Variants in CDKAL1 observed in about 807,000 individuals in gnomAD.
CDKAL1 encodes the protein threonylcarbamoyladenosine tRNA methylthiotransferase.
Under a neutral mutation model 68.2 loss-of-function variants are expected in CDKAL1, and 32 were observed. The ratio of observed to expected loss-of-function variants is 0.47; its 90% CI spans 0.35 to 0.63. CDKAL1 has a LOEUF of 0.63. CDKAL1 is among the 30% of genes least tolerant of loss of function. CDKAL1 has a pLI of 0.00. For missense variants in CDKAL1, 606 were observed against 696.7 expected, an observed-to-expected ratio of 0.87 and a Z score of 1.47; for synonymous variants, 234 against 244.3, an observed-to-expected ratio of 0.96 and a Z score of 0.39.
intron 15 of CDKAL1, among the ~76,000 whole-genome samples, chr6:21,204,565 G>A (rs6926388): frequency 0.27 from 40,542 of 151,980 alleles, 6,481 homozygotes; most frequent in African/African-American, 0.45. Flanking sequence ...CGTGCTTATC[G>A]TAGCCAAATA....
At chr6:20,641,596 A>G (rs1216176032) in intron 4 of CDKAL1, among the ~76,000 whole-genome samples, 2 of 152,192 alleles carry the variant, frequency 1.3e-5, no homozygotes, top group African/African-American at 2.4e-5. Context: ...CACAAAGTAG[A>G]TACTAGACAT....
chr6:20,586,812 T>C (rs1251816631), intron 4 of CDKAL1, among the ~76,000 whole-genome samples: 1 of 152,132 alleles, frequency 6.6e-6, no homozygotes. Flanking sequence ...ATTTATATCA[T>C]GTTCTGAGGT....
Position 20,539,376 on chromosome 6 carries a change from G to A in CDKAL1, c.-6+3982G>A, listed in dbSNP as rs992801330. The stretch of plus-strand genomic sequence containing the variant: ...CTCACACGAAAACCTTTACCCTCAC[G>A]AAGTATGTATTCTAGTAAGATAAAC... On this transcript the variant is annotated intron_variant, in intron 2 of 15. Transcript: ENST00000274695. This position sits in a 1 kb window ranked among gnomAD's most constrained non-coding sequence, Gnocchi z 4.3. Among the ~76,000 whole-genome samples the A allele has an allele frequency of 1.3e-5, 2 of 152,270 alleles. No individual in the cohort carries two copies. The highest frequency in any genetic ancestry group is 4.8e-5 in the African/African-American group (2 of 41,540).
chr6:21,091,355 C>T (rs937182646), intron 12 of CDKAL1, among the ~76,000 whole-genome samples: 1 of 152,172 alleles, frequency 6.6e-6, no homozygotes, highest in Non-Finnish European at 1.5e-5. Context: ...AAAACCAAAA[C>T]CCAAGTTATG....
intron 8 of CDKAL1, among the ~76,000 whole-genome samples, chr6:20,785,819 T>A (rs1483390051): frequency 6.6e-6 from 1 of 152,170 alleles, no homozygotes; most frequent in African/African-American, 2.4e-5. Flanking sequence ...AGGAAAAGGG[T>A]CCCATTTGTA....
chr6:21,099,206 C>T (rs534035621), intron 12 of CDKAL1, among the ~76,000 whole-genome samples: 27 of 152,192 alleles, frequency 1.8e-4, no homozygotes, highest in African/African-American at 6.5e-4. Context: ...CGGTTTAGAG[C>T]AAGGGTTAGT....
intron 11 of CDKAL1, among the ~76,000 whole-genome samples, chr6:21,055,273 T>TA (rs1770764326): frequency 6.6e-6 from 1 of 152,336 alleles, no homozygotes; most frequent in African/African-American, 2.4e-5. Context: ...AATATTTTGT[T>TA]AAGAATTTTT....
chr6:21,005,474 A>C (rs1317050318), intron 11 of CDKAL1, among the ~76,000 whole-genome samples: 3 of 152,228 alleles, frequency 2.0e-5, no homozygotes, highest in African/African-American at 7.2e-5. Context: ...CTTTAGACAG[A>C]GTATTTTGTT....
chr6:20,551,101 G>A (rs1382151456), intron 4 of CDKAL1, among the ~76,000 whole-genome samples: 1 of 151,874 alleles, frequency 6.6e-6, no homozygotes, highest in Non-Finnish European at 1.5e-5. Context: ...TCCTGACCTC[G>A]TGATCCACTC....
chr6:21,000,224 A>T lies in CDKAL1; in HGVS notation c.910-3A>T. ...TAGTGTTTTCTCCTTCCATTTTTTT[A>T]AGGAAATGGCAAAAATCCTTAATCA... On this transcript the variant is annotated splice_region_variant and splice_polypyrimidine_tract_variant and intron_variant, in intron 10 of 15. Transcript: ENST00000274695. 6.2e-7 allele frequency: 1 copy of T among 1,605,510 alleles called. No individual in the cohort carries two copies. Among genetic ancestry groups the T allele is most frequent in the Non-Finnish European group, 8.5e-7 (1 of 1,176,058 alleles).
chr6:20,923,990 T>C lies in CDKAL1; in HGVS notation c.743-31429T>C, dbSNP rs1253557412. 1.8e-4 allele frequency among the ~76,000 whole-genome samples: 26 copies of C among 142,292 alleles called. No homozygotes were observed. The East Asian group carries it at 2.0e-3, about 11-fold the overall frequency. 93.3% of individuals were successfully genotyped at this position (142,292 alleles called of 152,430 possible). A position where few individuals can be genotyped will look rare whatever the true frequency, so the allele number is the denominator to read the frequency against. ...TCACACTACTGCACTCCAGCCTGGG[T>C]GGCAGAGTAAGACCCTGTCTCTAGA... On this transcript the variant is annotated intron_variant, in intron 9 of 15. Coordinates refer to ENST00000274695, the MANE Select transcript of CDKAL1 (RefSeq NM_017774.3).
intron 10 of CDKAL1, among the ~76,000 whole-genome samples, chr6:20,988,185 T>TGTGTGTGTGTGA (rs748095549): frequency 7.1e-6 from 1 of 140,286 alleles, no homozygotes; most frequent in East Asian, 2.0e-4. Flanking sequence ...ACATAATATG[T>TGTGTGTGTGTGA]GTGTGTGTGT....
intron 4 of CDKAL1, among the ~76,000 whole-genome samples, chr6:20,585,181 C>A (rs933388540): frequency 2.0e-5 from 3 of 151,940 alleles, no homozygotes; most frequent in Non-Finnish European, 4.4e-5. Context: ...CTCAGCCTCC[C>A]CAGTAGCTGG....
chr6:20,639,118 A>C (rs1768044383), intron 4 of CDKAL1, among the ~76,000 whole-genome samples: 1 of 152,102 alleles, frequency 6.6e-6, no homozygotes, highest in Non-Finnish European at 1.5e-5. Flanking sequence ...GCCATAATTA[A>C]TTTTCAATAG....
chr6:20,795,293 C>T (rs1776064543), intron 8 of CDKAL1, among the ~76,000 whole-genome samples: 1 of 152,092 alleles, frequency 6.6e-6, no homozygotes. Context: ...GTCTCTTTTG[C>T]TGTTTCTTGA....
intron 4 of CDKAL1, among the ~76,000 whole-genome samples, chr6:20,634,058 G>A (rs1247404117): frequency 1.3e-5 from 2 of 152,068 alleles, no homozygotes; most frequent in African/African-American, 4.8e-5. Context: ...AATTGGTGCC[G>A]ATCCTGGAAA....
At chr6:20,721,794 A>G (rs1020149486) in intron 5 of CDKAL1, among the ~76,000 whole-genome samples, 1 of 128,806 alleles carries the variant, frequency 7.8e-6, no homozygotes, top group African/African-American at 3.1e-5. Flanking sequence ...GTGCAATGGC[A>G]TGGTATCAGC....
chr6:20,890,596 G>T (rs144241947), intron 9 of CDKAL1, among the ~76,000 whole-genome samples: 124 of 152,298 alleles, frequency 8.1e-4, no homozygotes, highest in Middle Eastern at 3.4e-3. Context: ...TGACATTCCA[G>T]GTTTTCTCTC....
At chr6:20,796,311 G>T (rs569351305) in intron 8 of CDKAL1, among the ~76,000 whole-genome samples, 1 of 152,268 alleles carries the variant, frequency 6.6e-6, no homozygotes, top group African/African-American at 2.4e-5. Context: ...TATAGGATAT[G>T]TATATGGAAA....
Sources: allele counts gnomAD v4.1 joint callset (sites outside exome capture counted in the v4.1 genomes callset), GRCh38; gene constraint gnomAD v4.1.1; non-coding constraint Gnocchi (gnomAD v3.1); transcripts MANE v1.5; gene names NCBI Gene and HGNC (gene_info 2026-07-23, HGNC 2026-07-21).